Variants in PDE1A observed in about 807,000 individuals in gnomAD.
The protein encoded by PDE1A is dual specificity calcium/calmodulin-dependent 3',5'-cyclic nucleotide phosphodiesterase 1A.
In PDE1A, 35 loss-of-function variants were observed where a neutral mutation model predicts 61.7. The ratio of observed to expected loss-of-function variants is 0.57; its 90% CI spans 0.43 to 0.75. PDE1A has a LOEUF of 0.75. Among genes scored for constraint, PDE1A ranks in the 30% least tolerant of loss-of-function variants. The pLI is 0.00. For missense variants in PDE1A, 597 were observed against 630.6 expected (o/e 0.95, Z 0.57); for synonymous variants, 232 against 213.2 (o/e 1.09, Z -0.77).
chr2:182,648,084 A>G, the PDE1A span, among the ~76,000 whole-genome samples: 1 of 152,194 alleles, frequency 6.6e-6, no homozygotes, highest in Non-Finnish European at 1.5e-5. Context: ...CGGACCTACT[A>G]AACCATGGTA....
chr2:182,566,964 A>C, the PDE1A span, among the ~76,000 whole-genome samples: 1 of 152,200 alleles, frequency 6.6e-6, no homozygotes, highest in Non-Finnish European at 1.5e-5. Context: ...ATAACCTTAC[A>C]TATTTTGTTT....
At chr2:182,485,088 C>T (rs2125858403) in intron 2 of PDE1A, among the ~76,000 whole-genome samples, 1 of 152,060 alleles carries the variant, frequency 6.6e-6, no homozygotes, top group South Asian at 2.1e-4. Flanking sequence ...TAGCACTATT[C>T]ATAATAGCAA....
At chr2:182,338,508 T>C (rs1384656945) in intron 1 of PDE1A, among the ~76,000 whole-genome samples, 1 of 152,082 alleles carries the variant, frequency 6.6e-6, no homozygotes, top group Non-Finnish European at 1.5e-5. Context: ...CCACTAAGCA[T>C]ATGGTTTTAT....
At chr2:182,411,759 G>A (rs1008131140) in intron 1 of PDE1A, among the ~76,000 whole-genome samples, 1 of 152,058 alleles carries the variant, frequency 6.6e-6, no homozygotes, top group African/African-American at 2.4e-5. Context: ...CAGTGATGTT[G>A]CTCAACATCT....
the PDE1A span, among the ~76,000 whole-genome samples, chr2:182,565,110 T>C: frequency 7.2e-4 from 109 of 152,344 alleles, no homozygotes; most frequent in Non-Finnish European, 1.2e-3. Context: ...CTGCATTCCT[T>C]TGGAGGAGGA....
intron 1 of PDE1A, among the ~76,000 whole-genome samples, chr2:182,424,103 C>T (rs937048401): frequency 2.0e-5 from 3 of 151,958 alleles, no homozygotes; most frequent in South Asian, 2.1e-4. Flanking sequence ...CACCACCACA[C>T]CTGGCTAATT....
chr2:182,613,726 A>AC, the PDE1A span, among the ~76,000 whole-genome samples: 2 of 152,180 alleles, frequency 1.3e-5, no homozygotes, highest in Admixed American at 6.5e-5. Flanking sequence ...TCAAATCCTA[A>AC]CTTCAACACT....
rs73032439 is a variant in PDE1A at position 182,272,459 on chromosome 2, A to T, written c.54-8045T>A. ...CTATACTCAGCCAAACTCTCAATCT[A>T]GTTTGAGGAAAGAATAAAGGCATTT... On this transcript the variant is annotated intron_variant, in intron 1 of 13. Coordinates refer to ENST00000351439, the Ensembl canonical transcript of PDE1A. Among the ~76,000 whole-genome samples the T allele has an allele frequency of 9.3e-3, 1,411 of 152,296 alleles. 18 individuals carry two copies. Among genetic ancestry groups the T allele is most frequent in the African/African-American group, 0.032 (1,313 of 41,574 alleles).
chr2:182,386,295 C>T (rs1328549988), intron 1 of PDE1A, among the ~76,000 whole-genome samples: 1 of 152,022 alleles, frequency 6.6e-6, no homozygotes, highest in Non-Finnish European at 1.5e-5. Context: ...AGCGTCTCTG[C>T]TTGGCCGCCC....
chr2:182,145,448 C>T (rs535156589), downstream of PDE1A, among the ~76,000 whole-genome samples: 4 of 152,232 alleles, frequency 2.6e-5, no homozygotes, highest in South Asian at 6.2e-4. Flanking sequence ...CAAAAAGGGG[C>T]CGGGTGCAGT....
chr2:182,679,163 C>G, the PDE1A span, among the ~76,000 whole-genome samples: 3 of 149,126 alleles, frequency 2.0e-5, no homozygotes, highest in Admixed American at 6.7e-5. Context: ...TGCCACCATG[C>G]CTGGAAATTA....
chr2:182,160,498 A>G (rs959272394), intron 13 of PDE1A, among the ~76,000 whole-genome samples: 3 of 152,130 alleles, frequency 2.0e-5, no homozygotes, highest in African/African-American at 4.8e-5. Context: ...CTTCCTGAGT[A>G]GACACCTTTT....
At chr2:182,218,728 T>C (rs879703697) in intron 7 of PDE1A, among the ~76,000 whole-genome samples, 26 of 152,140 alleles carry the variant, frequency 1.7e-4, no homozygotes, top group Non-Finnish European at 2.9e-4. Flanking sequence ...TCATGTGATT[T>C]TTTTCCTGTA....
chr2:182,362,462 A>G (rs1385584049), intron 1 of PDE1A, among the ~76,000 whole-genome samples: 1 of 152,030 alleles, frequency 6.6e-6, no homozygotes, highest in Non-Finnish European at 1.5e-5. Flanking sequence ...ATAAAAAGTG[A>G]CCAACTGTCC....
rs564199018 is a variant in PDE1A, at chr2:182,212,827, G to C, written c.777-6762C>G. 3.4e-3 allele frequency among the ~76,000 whole-genome samples: 515 copies of C among 152,354 alleles called. 2 individuals carry two copies. Among genetic ancestry groups the C allele is most frequent in the African/African-American group, 0.012 (501 of 41,582 alleles). On this transcript the variant is annotated intron_variant, in intron 7 of 13. Transcript: ENST00000351439. ...TCTGAGATCAAACTGCAAGGCGGCA[G>C]GGAGGCCAGGGGAGGGGCGCCTGCC...
chr2:182,331,731 G>A (rs1697423606), intron 1 of PDE1A, among the ~76,000 whole-genome samples: 1 of 152,160 alleles, frequency 6.6e-6, no homozygotes, highest in Admixed American at 6.5e-5. Flanking sequence ...TTAGTCTGAT[G>A]GGCTTCCCTT....
At chr2:182,566,863 T>G in the PDE1A span, among the ~76,000 whole-genome samples, 1 of 152,220 alleles carries the variant, frequency 6.6e-6, no homozygotes, top group African/African-American at 2.4e-5. Context: ...CATAACATCT[T>G]CAAGCAATCC....
Position 182,185,912 on chromosome 2 carries a change from C to T in PDE1A, c.1496G>A (p.Trp499Ter). 6.2e-7 allele frequency: 1 copy of T among 1,613,988 alleles called. No homozygotes were observed. The highest frequency in any genetic ancestry group is 8.5e-7 in the Non-Finnish European group (1 of 1,179,924). Reference sequence around the variant, plus strand: ...ACTACCTTGTGCAGCTAACTCTTTCCACCTCTCTTTGTTCTGCTGAATGAT... The same window carrying T: ...ACTACCTTGTGCAGCTAACTCTTTCTACCTCTCTTTGTTCTGCTGAATGAT... Residue 499 changes from tryptophan (W) to a stop codon, truncating the protein, a stop_gained, in exon 13 of 14, where the codon TGG becomes TAG. Transcript: ENST00000351439. LOFTEE classifies it high-confidence loss of function.
At chr2:182,390,676 C>T (rs901700870) in intron 1 of PDE1A, among the ~76,000 whole-genome samples, 1 of 152,144 alleles carries the variant, frequency 6.6e-6, no homozygotes, top group African/African-American at 2.4e-5. Flanking sequence ...TGAGCTGCAA[C>T]AAAAGGTGCA....
Sources: gnomAD v4.1 joint callset for allele counts (sites outside exome capture counted in the v4.1 genomes callset) on GRCh38, gnomAD v4.1.1 for gene constraint, MANE v1.5 for transcripts, NCBI Gene and HGNC (gene_info 2026-07-23, HGNC 2026-07-21) for gene names.